ZDHHC7: variants seen among roughly 807,000 people sequenced by gnomAD.
ZDHHC7 encodes the protein zDHHC palmitoyltransferase 7.
Under a neutral mutation model 34.1 loss-of-function variants are expected in ZDHHC7, and 12 were observed. That is an observed-to-expected ratio of 0.35 (90% confidence interval 0.23 to 0.57). ZDHHC7 has a LOEUF of 0.57. Ranked by LOEUF, ZDHHC7 falls within the 20% of genes least tolerant of loss-of-function variation. ZDHHC7 has a pLI of 0.84. For synonymous variants in ZDHHC7, 185 were observed against 155.4 expected (o/e 1.19, Z -1.42); for missense variants, 388 against 402.7 (o/e 0.96, Z 0.31).
intron 2 of ZDHHC7, among the ~76,000 whole-genome samples, chr16:84,991,026 G>T (rs551432381): frequency 1.7e-4 from 26 of 152,258 alleles, no homozygotes; most frequent in African/African-American, 6.3e-4. Context: ...GCTCTGCTCA[G>T]CAGCTCACCT....
At chr16:84,982,756 G>A (rs1045663354) in intron 3 of ZDHHC7, among the ~76,000 whole-genome samples, 10 of 152,240 alleles carry the variant, frequency 6.6e-5, no homozygotes, top group East Asian at 5.8e-4. Flanking sequence ...GCCGCCCAGC[G>A]GCATCAGAAA....
the ZDHHC7 span, among the ~76,000 whole-genome samples, chr16:85,016,943 T>C: frequency 0.21 from 30,884 of 147,944 alleles, 3,244 homozygotes; most frequent in Admixed American, 0.31. Context: ...TTCTTTTTTC[T>C]TTTGCTTTTT....
At chr16:84,992,335 C>A (rs2072521573) in intron 2 of ZDHHC7, among the ~76,000 whole-genome samples, 1 of 84,266 alleles carries the variant, frequency 1.2e-5, no homozygotes, top group Admixed American at 1.3e-4. Context: ...GGCACAGTGG[C>A]AGGCGCCTGT....
chr16:85,013,568 A>G (rs889845145), upstream of ZDHHC7, among the ~76,000 whole-genome samples: 1 of 152,050 alleles, frequency 6.6e-6, no homozygotes, highest in Non-Finnish European at 1.5e-5. Context: ...TGTCGAAGGT[A>G]CTATGTGAAA....
chr16:84,988,647 T>A, intron 3 of ZDHHC7: 1 of 860,428 alleles, frequency 1.2e-6, no homozygotes, highest in South Asian at 1.6e-5. Flanking sequence ...GCTGAGTAGC[T>A]GTAGAGTCTG....
intron 1 of ZDHHC7, among the ~76,000 whole-genome samples, chr16:85,002,216 G>C (rs181202363): frequency 1.3e-5 from 2 of 152,132 alleles, no homozygotes; most frequent in Admixed American, 1.3e-4. Context: ...AATGCCTGTG[G>C]CTCCTCCTCC....
At chr16:85,002,269 G>A (rs75765381) in intron 1 of ZDHHC7, among the ~76,000 whole-genome samples, 6,150 of 151,916 alleles carry the variant, frequency 0.04, 212 homozygotes, top group South Asian at 0.15. Context: ...AAGTATGGCC[G>A]TTCACAGGGA....
intron 1 of ZDHHC7, among the ~76,000 whole-genome samples, chr16:85,006,802 T>C (rs1264676378): frequency 2.0e-5 from 3 of 152,166 alleles, no homozygotes; most frequent in Non-Finnish European, 2.9e-5. Flanking sequence ...AATCAACCTG[T>C]TGCGAAACCT....
chr16:84,989,095 T>C (rs1232787973), intron 3 of ZDHHC7, among the ~76,000 whole-genome samples: 1 of 152,192 alleles, frequency 6.6e-6, no homozygotes, highest in Non-Finnish European at 1.5e-5. Context: ...TTTAATTCTC[T>C]GAAGGCACAA....
intron 3 of ZDHHC7, among the ~76,000 whole-genome samples, chr16:84,985,855 T>G (rs973291741): frequency 2.0e-5 from 3 of 146,522 alleles, no homozygotes; most frequent in African/African-American, 7.6e-5. Context: ...CTCAGAAAGC[T>G]GAGGTGACAG....
the ZDHHC7 span, among the ~76,000 whole-genome samples, chr16:85,025,002 C>T: frequency 1.3e-5 from 2 of 152,130 alleles, no homozygotes; most frequent in African/African-American, 4.8e-5. Flanking sequence ...TGAGGCCAGG[C>T]GTGGTGGCTC....
intron 5 of ZDHHC7, 149 bp from the exon 6 acceptor site, chr16:84,978,154 C>T (rs905250639): frequency 9.0e-6 from 5 of 555,924 alleles, no homozygotes; most frequent in Admixed American, 3.5e-5. Flanking sequence ...TCTCCTGCCT[C>T]AGCCTCTCAA....
intron 3 of ZDHHC7, among the ~76,000 whole-genome samples, chr16:84,985,338 C>G (rs1004978304): frequency 2.0e-5 from 3 of 152,264 alleles, no homozygotes; most frequent in Non-Finnish European, 4.4e-5. Flanking sequence ...TTCCGGTCCT[C>G]TCTCCCCTGC....
chr16:85,000,234 G>A (rs998308647), intron 1 of ZDHHC7, among the ~76,000 whole-genome samples: 5 of 152,314 alleles, frequency 3.3e-5, no homozygotes, highest in African/African-American at 1.2e-4. Flanking sequence ...GCACAGGTAT[G>A]TACGGCCGGT....
At chr16:85,007,573 C>T (rs1228046208) in intron 1 of ZDHHC7, among the ~76,000 whole-genome samples, 1 of 151,814 alleles carries the variant, frequency 6.6e-6, no homozygotes, top group Non-Finnish European at 1.5e-5. Context: ...AATGATAATT[C>T]ACAGTCCCAT....
intron 1 of ZDHHC7, among the ~76,000 whole-genome samples, chr16:85,000,411 A>G (rs150091915): frequency 1.3e-5 from 2 of 152,308 alleles, no homozygotes; most frequent in East Asian, 1.9e-4. Context: ...TTCCTTGGCT[A>G]TAAACAGAAA....
the ZDHHC7 span, among the ~76,000 whole-genome samples, chr16:85,021,182 G>C: frequency 6.6e-6 from 1 of 152,140 alleles, no homozygotes; most frequent in African/African-American, 2.4e-5. Flanking sequence ...GGGAGGCCGA[G>C]GTGGGCGGAT....
chr16:84,977,868 CTT>C (rs2072318310), intron 6 of ZDHHC7, 54 bp downstream of exon 6: 3 of 1,395,186 alleles, frequency 2.2e-6, no homozygotes, highest in African/African-American at 1.5e-5. Context: ...AAGCTTTCCC[CTT>C]TCATCCAATA....
At chr16:84,979,501 G>A (rs2072338904) in intron 4 of ZDHHC7, among the ~76,000 whole-genome samples, 1 of 152,094 alleles carries the variant, frequency 6.6e-6, no homozygotes, top group African/African-American at 2.4e-5. Context: ...CCAACAGCTT[G>A]GGGCGAAAGG....
Sources: allele counts gnomAD v4.1 joint callset (sites outside exome capture counted in the v4.1 genomes callset), GRCh38; gene constraint gnomAD v4.1.1; transcripts MANE v1.5; gene names NCBI Gene and HGNC (gene_info 2026-07-23, HGNC 2026-07-21).